The following IQSEC1 variants were observed in gnomAD, a reference collection of about 807,000 sequenced individuals.
IQSEC1 encodes IQ motif and SEC7 domain-containing protein 1.
IQSEC1 carries 31 observed loss-of-function variants against 91.0 expected under a neutral mutation model. That is an observed-to-expected ratio of 0.34 (90% CI 0.26 to 0.46). The LOEUF (loss-of-function observed/expected upper bound fraction) is 0.46. IQSEC1 is among the 20% of genes least tolerant of loss of function. IQSEC1 has a pLI of 1.00. For synonymous variants in IQSEC1, 699 were observed against 662.6 expected (o/e 1.05, Z -0.84); for missense variants, 1,388 against 1,575.6 (o/e 0.88, Z 2.02).
chr3:12,992,602 G>C lies in IQSEC1; in HGVS notation c.24-50737C>G, dbSNP rs957925859. On this transcript the variant is annotated intron_variant, in intron 1 of 13. Transcript: ENST00000613206. This position sits in a 1 kb window ranked among gnomAD's most constrained non-coding sequence, Gnocchi z 4.1. ...GTGGAGCCTGACCACAAAATGAAAC[G>C]GTGGCTCATCAAAGTGCACAACCAG... 6.6e-6 allele frequency among the ~76,000 whole-genome samples: 1 copy of C among 152,178 alleles called. No homozygotes were observed. The highest frequency in any genetic ancestry group is 1.5e-5 in the Non-Finnish European group (1 of 68,034).
chr3:12,955,800 G>C (rs1699865723), intron 1 of IQSEC1, among the ~76,000 whole-genome samples: 1 of 152,206 alleles, frequency 6.6e-6, no homozygotes. Context: ...TGGGAGAGTT[G>C]GTCAGGAGAC....
In IQSEC1 at chr3:13,032,428, A is replaced by G. The variant is rs527763418; in HGVS notation, c.23+40564T>C. Among the ~76,000 whole-genome samples, 477 of 152,322 alleles carry G rather than the reference A, an allele frequency of 3.1e-3. 5 individuals carry two copies. The highest frequency in any genetic ancestry group is 0.011 in the African/African-American group (443 of 41,566). On this transcript the variant is annotated intron_variant, in intron 1 of 13. Coordinates refer to ENST00000613206, the MANE Select transcript of IQSEC1 (RefSeq NM_001134382.3). ...GTGCTGCCGTGACTTCCGCAGGCCG[A>G]ACCTGCAGGATGCGGATGGGCCAGC...
At chr3:13,185,765 C>T (rs189143563) in intron 1 of IQSEC1, among the ~76,000 whole-genome samples, 4 of 152,360 alleles carry the variant, frequency 2.6e-5, no homozygotes, top group East Asian at 1.9e-4. Flanking sequence ...GCATCCTAAT[C>T]GCTGGAAAGC....
At chr3:12,999,528 C>T (rs1300557649) in intron 1 of IQSEC1, among the ~76,000 whole-genome samples, 1 of 152,176 alleles carries the variant, frequency 6.6e-6, no homozygotes, top group Non-Finnish European at 1.5e-5. Flanking sequence ...GGTGTGGGGA[C>T]AGATGACACA....
chr3:13,250,718 C>T (rs1695180694), intron 1 of IQSEC1, among the ~76,000 whole-genome samples: 1 of 151,964 alleles, frequency 6.6e-6, no homozygotes, highest in Non-Finnish European at 1.5e-5. Context: ...CTGCCCGCCT[C>T]GGCCTCCCAA....
chr3:13,040,217 G>T (rs1193093979), intron 1 of IQSEC1, among the ~76,000 whole-genome samples: 2 of 152,160 alleles, frequency 1.3e-5, no homozygotes, highest in Admixed American at 1.3e-4. Flanking sequence ...TTCCCTGTCT[G>T]GAAAATTCCA....
At position 13,182,858 on chromosome 3, in the gene IQSEC1, C is replaced by A. The variant is rs181352330; in HGVS notation, c.273-18725G>T. On this transcript the variant is annotated intron_variant, in intron 1 of 15. Coordinates refer to the IQSEC1 transcript ENST00000648114. ...GAAAATAAGATCTCAAATAAAGATT[C>A]CACCCAAAGAAATTAGAAAAAGTAG... 4.7e-4 allele frequency among the ~76,000 whole-genome samples: 72 copies of A among 152,246 alleles called. 1 individual carries two copies. The highest frequency in any genetic ancestry group is 8.8e-4 in the Non-Finnish European group (60 of 68,034).
intron 1 of IQSEC1, among the ~76,000 whole-genome samples, chr3:13,031,901 G>A (rs894990805): frequency 2.0e-5 from 3 of 152,088 alleles, no homozygotes; most frequent in Non-Finnish European, 4.4e-5. Flanking sequence ...AGAACTTCAT[G>A]AGCCCCTGCA....
chr3:13,045,710 G>A (rs1042677844), intron 1 of IQSEC1, among the ~76,000 whole-genome samples: 2 of 152,224 alleles, frequency 1.3e-5, no homozygotes, highest in African/African-American at 4.8e-5. Flanking sequence ...CCGGCGGAGT[G>A]GACAATTCAG....
intron 2 of IQSEC1, among the ~76,000 whole-genome samples, chr3:13,088,636 C>T (rs973210878): frequency 5.9e-5 from 9 of 152,154 alleles, no homozygotes; most frequent in African/African-American, 1.4e-4. Flanking sequence ...AGTACCCTCC[C>T]GGGGACCCCA....
At chr3:13,276,290 G>A (rs959652378) in intron 1 of IQSEC1, among the ~76,000 whole-genome samples, 35 of 151,844 alleles carry the variant, frequency 2.3e-4, no homozygotes, top group Admixed American at 1.6e-3. Flanking sequence ...GGGTTTCACC[G>A]TGTCAGCCAG....
At chr3:13,278,541 G>A (rs1003403415) in intron 1 of IQSEC1, among the ~76,000 whole-genome samples, 1 of 152,194 alleles carries the variant, frequency 6.6e-6, no homozygotes, top group African/African-American at 2.4e-5. Context: ...GGGGGAGGCT[G>A]GGTGTGGTGG....
intron 1 of IQSEC1, among the ~76,000 whole-genome samples, chr3:13,242,543 G>A (rs184756118): frequency 2.0e-5 from 3 of 152,306 alleles, no homozygotes; most frequent in East Asian, 1.9e-4. Context: ...TGCACATCCC[G>A]GCCGTGGCTG....
chr3:13,253,685 A>G (rs1159619663), intron 1 of IQSEC1, among the ~76,000 whole-genome samples: 2 of 152,214 alleles, frequency 1.3e-5, no homozygotes, highest in East Asian at 1.9e-4. Flanking sequence ...AAGCAACTCT[A>G]TTTTTGAAGT....
At chr3:13,170,454 A>C (rs981980386) in intron 1 of IQSEC1, among the ~76,000 whole-genome samples, 3 of 152,224 alleles carry the variant, frequency 2.0e-5, no homozygotes, top group Non-Finnish European at 4.4e-5. Flanking sequence ...TGTGAGAAGA[A>C]GGCCACCGTC....
At chr3:13,054,615 T>G (rs1704809845) in intron 1 of IQSEC1, among the ~76,000 whole-genome samples, 1 of 152,200 alleles carries the variant, frequency 6.6e-6, no homozygotes, top group African/African-American at 2.4e-5. Context: ...AGGCTTACTG[T>G]GCCCCTTGAG....
chr3:12,981,301 T>G (rs962113465), intron 1 of IQSEC1, among the ~76,000 whole-genome samples: 16 of 152,338 alleles, frequency 1.1e-4, no homozygotes, highest in African/African-American at 3.8e-4. Context: ...GCTAAGTCAT[T>G]GATAAAGTTA....
At chr3:13,162,885 C>T (rs1176695521) in intron 2 of IQSEC1, among the ~76,000 whole-genome samples, 1 of 152,068 alleles carries the variant, frequency 6.6e-6, no homozygotes, top group East Asian at 1.9e-4. Flanking sequence ...TTTGTCCATC[C>T]ATCCCCCCGG....
At chr3:12,951,542 T>C (rs1047328237) in intron 1 of IQSEC1, among the ~76,000 whole-genome samples, 2 of 152,136 alleles carry the variant, frequency 1.3e-5, no homozygotes, top group Admixed American at 1.3e-4. Flanking sequence ...GCTGTTCTAG[T>C]GCCGGTCAGC....
Sources: allele counts gnomAD v4.1 joint callset (sites outside exome capture counted in the v4.1 genomes callset), GRCh38; gene constraint gnomAD v4.1.1; non-coding constraint Gnocchi (gnomAD v3.1); transcripts MANE v1.5; gene names NCBI Gene and HGNC (gene_info 2026-07-23, HGNC 2026-07-21).